The following LARP1B variants were observed in gnomAD, a reference collection of about 807,000 sequenced individuals.
The protein encoded by LARP1B is La ribonucleoprotein 1B.
LARP1B carries 76 observed loss-of-function variants against 114.2 expected under a neutral mutation model. The observed-to-expected ratio is 0.67, with a 90% CI of 0.55 to 0.81. The LOEUF is 0.81. LARP1B is among the 30% of genes least tolerant of loss of function. The probability of loss-of-function intolerance (pLI) is 0.00; values close to 1 mark genes in which losing one functional copy is unlikely to be tolerated. For synonymous variants in LARP1B, 345 were observed against 348.0 expected (o/e 0.99, Z 0.10); for missense variants, 1,014 against 1,075.8 (o/e 0.94, Z 0.80).
At chr4:128,129,632 G>A (rs369018232) in intron 11 of LARP1B, among the ~76,000 whole-genome samples, 10 of 152,164 alleles carry the variant, frequency 6.6e-5, no homozygotes, top group Non-Finnish European at 1.5e-4. Context: ...AAGATTTACT[G>A]TAAAGCTGCA....
At chr4:128,219,654 G>T (rs1759831118) in intron 6 of LARP1B, among the ~76,000 whole-genome samples, 1 of 110,358 alleles carries the variant, frequency 9.1e-6, no homozygotes, top group Non-Finnish European at 1.8e-5. Context: ...GTGGGGTGGG[G>T]GGAGGGGGGA....
chr4:128,207,272 A>G lies in LARP1B; in HGVS notation c.2436A>G (p.Leu812=), dbSNP rs765674468. 1 of 1,475,572 alleles carries G rather than the reference A, an allele frequency of 6.8e-7. No individual in the cohort carries two copies. The highest frequency in any genetic ancestry group is 1.4e-5 in the South Asian group (1 of 70,438). The allele number at this position is 1,475,572 out of a possible 1,614,324, so 91.4% of individuals were successfully genotyped here. A position where few individuals can be genotyped will look rare whatever the true frequency, so the allele number is the denominator to read the frequency against. ...TGTTATTAGGTCAGCTGTATGGACT[A>G]GAAAAGTTTTGGGCTTATTTGAAAT... ...KDYESGQLYG[L]EKFWAYLKYS... The change falls in exon 19 of 20, where the codon CTA becomes CTG. Residue 812 remains leucine (L), a synonymous_variant. Transcript: ENST00000326639.
chr4:128,114,663 C>T lies in LARP1B; in HGVS notation c.1082C>T (p.Ser361Phe), dbSNP rs1561278673. ...SILQAMSRGL[S>F]TSLPDLDSEP... ...CTTCAAGCAATGTCTAGAGGTTTGTCTACCAGTTTGCCTGACTTGGACTCA... is the reference window on the plus strand; with the variant it reads ...CTTCAAGCAATGTCTAGAGGTTTGTTTACCAGTTTGCCTGACTTGGACTCA... Residue 361 changes from serine to phenylalanine, a missense_variant, in exon 10 of 20, where the codon TCT (serine) becomes TTT (phenylalanine). Transcript: ENST00000326639. 6.2e-7 allele frequency: 1 copy of T among 1,613,986 alleles called. No homozygotes were observed. Among genetic ancestry groups the T allele is most frequent in the Non-Finnish European group, 8.5e-7 (1 of 1,179,908 alleles).
chr4:128,198,844 AGAG>A (rs1280595268), intron 15 of LARP1B, among the ~76,000 whole-genome samples: 1 of 152,234 alleles, frequency 6.6e-6, no homozygotes, highest in African/African-American at 2.4e-5. Flanking sequence ...AAGTGAAAGA[AGAG>A]GAAGGTCTAA....
At chr4:128,201,408 C>G (rs1402699878) in intron 17 of LARP1B, among the ~76,000 whole-genome samples, 1 of 152,174 alleles carries the variant, frequency 6.6e-6, no homozygotes, top group Non-Finnish European at 1.5e-5. Flanking sequence ...TATACATACC[C>G]CAATTGATAT....
At chr4:128,213,039 C>A (rs1005366200), downstream of LARP1B, among the ~76,000 whole-genome samples, 22 of 151,322 alleles carry the variant, frequency 1.5e-4, no homozygotes, top group African/African-American at 4.1e-4. Context: ...CCGCCTCAGC[C>A]TTCCGAGTAG....
At chr4:128,171,392 C>G (rs1407739422) in intron 12 of LARP1B, among the ~76,000 whole-genome samples, 1 of 152,158 alleles carries the variant, frequency 6.6e-6, no homozygotes, top group East Asian at 1.9e-4. Flanking sequence ...CTCAGCCTCC[C>G]AAAGTGCTGG....
At chr4:128,069,611 A>G (rs1764410212) in intron 1 of LARP1B, 4 of 674,388 alleles carry the variant, frequency 5.9e-6, no homozygotes, top group African/African-American at 1.8e-5. Context: ...GTATGCCCCC[A>G]TCTTGGCTTA....
chr4:128,096,903 G>A (rs1778252660), intron 7 of LARP1B, among the ~76,000 whole-genome samples: 1 of 148,274 alleles, frequency 6.7e-6, no homozygotes, highest in South Asian at 2.2e-4. Context: ...CCTGGCTAAC[G>A]TCTTTTATTA....
At chr4:128,155,866 C>T (rs1321999128) in intron 11 of LARP1B, 5 of 1,558,988 alleles carry the variant, frequency 3.2e-6, no homozygotes, top group Non-Finnish European at 4.4e-6. Context: ...GCAGAAGGAG[C>T]GCCTGGAGCT....
intron 12 of LARP1B, among the ~76,000 whole-genome samples, chr4:128,165,000 G>T (rs1581187926): frequency 1.3e-5 from 2 of 150,866 alleles, no homozygotes; most frequent in Admixed American, 1.3e-4. Flanking sequence ...ATAAAAAAGG[G>T]ATGTATAAAA....
At chr4:128,200,433 G>T in intron 16 of LARP1B, 88 bp from the exon 17 acceptor site, 1 of 870,588 alleles carries the variant, frequency 1.1e-6, no homozygotes, top group Non-Finnish European at 1.7e-6. Flanking sequence ...TAATATGGTT[G>T]AGCTTTCTTC....
chr4:128,114,997 G>A (rs1326674757), intron 10 of LARP1B, among the ~76,000 whole-genome samples: 1 of 151,936 alleles, frequency 6.6e-6, no homozygotes, highest in Non-Finnish European at 1.5e-5. Context: ...GAGTGCAGTG[G>A]CGCGATCTTG....
At chr4:128,188,355 A>C (rs1244307962) in intron 15 of LARP1B, among the ~76,000 whole-genome samples, 3 of 152,168 alleles carry the variant, frequency 2.0e-5, no homozygotes, top group Non-Finnish European at 2.9e-5. Context: ...GATTACAGGC[A>C]TGAGCCACTG....
At chr4:128,209,153 T>C (rs528978698) in intron 19 of LARP1B, among the ~76,000 whole-genome samples, 34 of 152,278 alleles carry the variant, frequency 2.2e-4, no homozygotes, top group Non-Finnish European at 3.7e-4. Context: ...GCATGGTGGC[T>C]CATGCCTGTA....
intron 7 of LARP1B, among the ~76,000 whole-genome samples, chr4:128,097,364 A>G (rs143351188): frequency 1.3e-4 from 19 of 151,500 alleles, no homozygotes; most frequent in African/African-American, 4.6e-4. Context: ...CTGGAGTGCA[A>G]TGACGCGATC....
rs150537051 is a variant in LARP1B at position 128,114,891 on chromosome 4, T to C, written c.1161+149T>C. On this transcript the variant is annotated intron_variant, in intron 10 of 19. Transcript: ENST00000326639. ...ATTGTTGGCCTTCAGTAGACACTTA[T>C]GGGTTATTCTATGAGGAAAATAAGT... 6.7e-3 allele frequency: 3,902 copies of C among 583,784 alleles called. 41 individuals are homozygous for C. Among genetic ancestry groups the C allele is most frequent in the Admixed American group, 0.028 (905 of 31,934 alleles). The allele number at this position is 583,784 out of a possible 1,614,324, so 36.2% of individuals were successfully genotyped here.
Position 128,131,503 on chromosome 4 carries a change from C to T in LARP1B, c.1524+9315C>T, listed in dbSNP as rs1362421034. 5.3e-5 allele frequency among the ~76,000 whole-genome samples: 8 copies of T among 152,116 alleles called. No homozygotes were observed. In the East Asian group the frequency reaches 9.6e-4, roughly 18 times the overall value. Reference sequence around the variant, plus strand: ...ATAACCTAATTTTAAAATGGGTAAACAAGAGTTCAAGGCCAGCCTGGGCAA... The same window carrying T: ...ATAACCTAATTTTAAAATGGGTAAATAAGAGTTCAAGGCCAGCCTGGGCAA... On this transcript the variant is annotated intron_variant, in intron 11 of 19. Coordinates refer to ENST00000326639, the MANE Select transcript of LARP1B (RefSeq NM_018078.4).
chr4:128,081,422 A>G (rs1770372418), intron 4 of LARP1B, among the ~76,000 whole-genome samples: 1 of 137,150 alleles, frequency 7.3e-6, no homozygotes, highest in South Asian at 2.4e-4. Context: ...TGGACTGTTA[A>G]TTGTCATTGA....
Sources: allele counts gnomAD v4.1 joint callset (sites outside exome capture counted in the v4.1 genomes callset), GRCh38; gene constraint gnomAD v4.1.1; transcripts MANE v1.5; gene names NCBI Gene and HGNC (gene_info 2026-07-23, HGNC 2026-07-21).